Variants in FHIT observed in about 807,000 individuals in gnomAD.
FHIT encodes fragile histidine triad diadenosine triphosphatase.
A neutral mutation model predicts 17.9 loss-of-function variants in FHIT; 19 were observed. The observed-to-expected ratio is 1.06, with a 90% CI of 0.74 to 1.56. The LOEUF (loss-of-function observed/expected upper bound fraction) is 1.56, where lower values mean the gene tolerates loss of function less well. Among genes scored for constraint, FHIT ranks in the 40% most tolerant of loss-of-function variants. FHIT has a pLI of 0.00. For missense variants in FHIT, 248 were observed against 189.2 expected, an observed-to-expected ratio of 1.31 and a Z score of -1.82; for synonymous variants, 81 against 69.7, an observed-to-expected ratio of 1.16 and a Z score of -0.81.
At chr3:60,095,690 A>C (rs981845084) in intron 5 of FHIT, among the ~76,000 whole-genome samples, 3 of 152,222 alleles carry the variant, frequency 2.0e-5, no homozygotes, top group African/African-American at 7.2e-5. Context: ...AATCGGCCTC[A>C]TTGTAAGTTA....
intron 6 of FHIT, among the ~76,000 whole-genome samples, chr3:60,013,198 A>G (rs751397029): frequency 6.6e-6 from 1 of 152,216 alleles, no homozygotes; most frequent in Non-Finnish European, 1.5e-5. Flanking sequence ...TTGAAGCTCT[A>G]TGGTAAAGAG....
intron 5 of FHIT, among the ~76,000 whole-genome samples, chr3:60,274,621 G>T (rs72872843): frequency 2.6e-5 from 4 of 152,142 alleles, no homozygotes; most frequent in Non-Finnish European, 1.5e-5. Context: ...ACAACAAGAA[G>T]TGGTTCCAAA....
At chr3:59,876,456 A>AT (rs1553703715) in intron 8 of FHIT, among the ~76,000 whole-genome samples, 53 of 152,070 alleles carry the variant, frequency 3.5e-4, no homozygotes, top group Non-Finnish European at 6.3e-4. Context: ...TGGGAGCAGC[A>AT]CCCCTCCCCA....
intron 8 of FHIT, among the ~76,000 whole-genome samples, chr3:59,840,136 A>T (rs1228920626): frequency 6.6e-6 from 1 of 152,174 alleles, no homozygotes; most frequent in East Asian, 1.9e-4. Context: ...GGTAATCAAA[A>T]AGGATGGGCA....
chr3:60,423,486 T>G (rs1288489955), intron 5 of FHIT, among the ~76,000 whole-genome samples: 1 of 151,996 alleles, frequency 6.6e-6, no homozygotes, highest in Admixed American at 6.6e-5. Flanking sequence ...ATTAGTGAGG[T>G]TTTTTTCTGA....
chr3:59,954,603 C>A (rs530175972), intron 7 of FHIT, among the ~76,000 whole-genome samples: 10 of 152,270 alleles, frequency 6.6e-5, no homozygotes, highest in African/African-American at 2.4e-4. Flanking sequence ...GAGGAACAGC[C>A]TGAGTAAATG....
chr3:59,847,420 AT>A (rs1701761797), intron 8 of FHIT, among the ~76,000 whole-genome samples: 2 of 151,886 alleles, frequency 1.3e-5, no homozygotes, highest in African/African-American at 4.8e-5. Context: ...TTTACAATTT[AT>A]TTTTGGTTTC....
At chr3:60,486,411 T>C (rs559944823) in intron 5 of FHIT, among the ~76,000 whole-genome samples, 10 of 152,268 alleles carry the variant, frequency 6.6e-5, no homozygotes, top group African/African-American at 2.4e-4. Context: ...GTATTTCCTG[T>C]GCACTACAAA....
intron 4 of FHIT, among the ~76,000 whole-genome samples, chr3:60,579,156 T>G (rs72885802): frequency 0.013 from 1,971 of 152,244 alleles, 49 homozygotes; most frequent in African/African-American, 0.045. Flanking sequence ...TTAGGCAATT[T>G]TGTCATAGCA....
intron 5 of FHIT, among the ~76,000 whole-genome samples, chr3:60,501,271 C>T (rs1472167891): frequency 6.6e-6 from 1 of 151,816 alleles, no homozygotes; most frequent in African/African-American, 2.4e-5. Context: ...TTTTTGATAA[C>T]TCGTTGTAGG....
At position 60,093,180 on chromosome 3, in the gene FHIT, A is replaced by G. The variant is rs192122477; in HGVS notation, c.104-79028T>C. 2.4e-4 allele frequency among the ~76,000 whole-genome samples: 37 copies of G among 152,270 alleles called. No homozygotes were observed. The East Asian group carries it at 7.1e-3, about 29-fold the overall frequency. ...GACACAGGTCTCCAGGTGTGGGCAG[A>G]GCTGACACCTTGAGCCTGACGCAGG... On this transcript the variant is annotated intron_variant, in intron 5 of 9. Coordinates refer to ENST00000492590, the MANE Select transcript of FHIT (RefSeq NM_002012.4).
chr3:60,367,571 G>C (rs886083541), intron 5 of FHIT, among the ~76,000 whole-genome samples: 4 of 152,148 alleles, frequency 2.6e-5, no homozygotes, highest in African/African-American at 9.7e-5. Context: ...TGAAACACTT[G>C]ATGCCTTTAT....
chr3:61,214,036 T>G (rs2039584234), intron 1 of FHIT, among the ~76,000 whole-genome samples: 1 of 152,096 alleles, frequency 6.6e-6, no homozygotes. Context: ...TAGCACTAAA[T>G]GCCCACAAAA....
chr3:60,356,656 G>T (rs112255698), intron 5 of FHIT, among the ~76,000 whole-genome samples: 1 of 140,294 alleles, frequency 7.1e-6, no homozygotes, highest in Non-Finnish European at 1.5e-5. Context: ...AAAGAAAACC[G>T]AATACCAGAT....
chr3:61,167,628 CAAAAA>C (rs34229498), intron 2 of FHIT, among the ~76,000 whole-genome samples: 2 of 98,942 alleles, frequency 2.0e-5, no homozygotes, highest in East Asian at 2.7e-4. Flanking sequence ...AACTGTGTCT[CAAAAA>C]AAAAAAAAAA....
At chr3:61,219,848 G>C (rs2039789540) in intron 1 of FHIT, among the ~76,000 whole-genome samples, 1 of 152,082 alleles carries the variant, frequency 6.6e-6, no homozygotes, top group African/African-American at 2.4e-5. Flanking sequence ...CTTAAAAATA[G>C]GTCTGAATTT....
At chr3:59,841,047 T>G (rs919383115) in intron 8 of FHIT, among the ~76,000 whole-genome samples, 2 of 152,184 alleles carry the variant, frequency 1.3e-5, no homozygotes, top group African/African-American at 4.8e-5. Flanking sequence ...GTTGGTTTAA[T>G]TTTCGCCATG....
At chr3:60,045,440 C>A (rs1701613542) in intron 5 of FHIT, among the ~76,000 whole-genome samples, 1 of 152,098 alleles carries the variant, frequency 6.6e-6, no homozygotes, top group Admixed American at 6.6e-5. Context: ...ACCATCAGAT[C>A]TTATGAGACT....
intron 5 of FHIT, among the ~76,000 whole-genome samples, chr3:60,365,961 A>G (rs1700089835): frequency 6.6e-6 from 1 of 152,230 alleles, no homozygotes; most frequent in South Asian, 2.1e-4. Flanking sequence ...CTTAGTATTT[A>G]GAAATCATTT....
Sources: allele counts gnomAD v4.1 joint callset (sites outside exome capture counted in the v4.1 genomes callset), GRCh38; gene constraint gnomAD v4.1.1; transcripts MANE v1.5; gene names NCBI Gene and HGNC (gene_info 2026-07-23, HGNC 2026-07-21).